OTULINL: variants seen among roughly 807,000 people sequenced by gnomAD.
OTULINL encodes the protein inactive ubiquitin thioesterase OTULINL.
In OTULINL, 42 loss-of-function variants were observed where a neutral mutation model predicts 43.9. That is an observed-to-expected ratio of 0.96 (90% confidence interval 0.75 to 1.24). OTULINL has a LOEUF of 1.24. Among genes scored for constraint, OTULINL ranks in the 50% most tolerant of loss-of-function variants. The probability of loss-of-function intolerance (pLI) is 0.00; values close to 1 mark genes in which losing one functional copy is unlikely to be tolerated. For synonymous variants in OTULINL, 172 were observed against 153.6 expected, an observed-to-expected ratio of 1.12 and a Z score of -0.88; for missense variants, 411 against 426.4, an observed-to-expected ratio of 0.96 and a Z score of 0.32.
intron 1 of OTULINL, among the ~76,000 whole-genome samples, chr5:14,584,364 A>G (rs552506740): frequency 8.0e-4 from 122 of 152,310 alleles, no homozygotes; most frequent in African/African-American, 2.9e-3. Context: ...TGTTGGGGGA[A>G]TAGGAATGCC....
At chr5:14,586,008 T>C (rs1462952550) in intron 1 of OTULINL, among the ~76,000 whole-genome samples, 1 of 152,248 alleles carries the variant, frequency 6.6e-6, no homozygotes, top group African/African-American at 2.4e-5. Context: ...TATGAAAAAG[T>C]TTTTATTACT....
intron 1 of OTULINL, among the ~76,000 whole-genome samples, chr5:14,588,103 T>C (rs1759139547): frequency 6.6e-6 from 1 of 152,206 alleles, no homozygotes; most frequent in Non-Finnish European, 1.5e-5. Context: ...ATCTTATGTA[T>C]CTTCCATACA....
intron 1 of OTULINL, among the ~76,000 whole-genome samples, chr5:14,594,332 T>C (rs1759252610): frequency 6.6e-6 from 1 of 152,266 alleles, no homozygotes. Flanking sequence ...TTTATTTGTT[T>C]AGACTAATGT....
intron 1 of OTULINL, among the ~76,000 whole-genome samples, chr5:14,584,762 T>C (rs1759076438): frequency 6.6e-6 from 1 of 152,200 alleles, no homozygotes; most frequent in Non-Finnish European, 1.5e-5. Flanking sequence ...TGTAGATGTG[T>C]CTGCTAAATG....
chr5:14,584,315 C>G (rs1388865093), intron 1 of OTULINL, among the ~76,000 whole-genome samples: 1 of 152,168 alleles, frequency 6.6e-6, no homozygotes, highest in East Asian at 1.9e-4. Context: ...GCCATGATTT[C>G]AGGAACCACA....
In OTULINL at chr5:14,613,512, G is replaced by A. The variant is rs142984495; in HGVS notation, c.*3198G>A. On this transcript the variant is annotated 3_prime_UTR_variant, in exon 8 of 8. Transcript: ENST00000274217. ...GAGGGAGTCAGGAGGAGAGAGTTAG[G>A]TTAGTTAGTACAACCTAAGAGGGAG... Among the ~76,000 whole-genome samples the A allele has an allele frequency of 5.8e-4, 88 of 152,266 alleles. No homozygotes were observed. The highest frequency in any genetic ancestry group is 1.1e-3 in the Non-Finnish European group (73 of 68,026).
intron 1 of OTULINL, among the ~76,000 whole-genome samples, chr5:14,587,426 G>A (rs1466852341): frequency 2.0e-5 from 3 of 152,218 alleles, no homozygotes; most frequent in Non-Finnish European, 4.4e-5. Context: ...AAGGGCTGGT[G>A]GCACTCATGT....
Position 14,612,247 on chromosome 5 carries a change from C to A in OTULINL, c.*1933C>A, listed in dbSNP as rs1560970403. On this transcript the variant is annotated 3_prime_UTR_variant, in exon 8 of 8. Coordinates refer to ENST00000274217, the MANE Select transcript of OTULINL (RefSeq NM_019018.3). ...GGCTGATACTTATAGAATTGTTGCT[C>A]CAAAATTTTGGCTCCACTTGAGCTG... is the stretch of plus-strand genomic sequence containing the variant. The A allele has an allele frequency of 1.3e-5, 2 of 152,188 alleles. No homozygotes were observed. The highest frequency in any genetic ancestry group is 2.4e-5 in the African/African-American group (1 of 41,444). 9.4% of individuals were successfully genotyped at this position (152,188 alleles called of 1,614,324 possible). A position where few individuals can be genotyped will look rare whatever the true frequency, so the allele number is the denominator to read the frequency against.
At chr5:14,588,644 C>T (rs1318185705) in intron 1 of OTULINL, among the ~76,000 whole-genome samples, 2 of 152,162 alleles carry the variant, frequency 1.3e-5, no homozygotes, top group Non-Finnish European at 2.9e-5. Context: ...AGGTAGCTCC[C>T]CAGGGCTGGG....
chr5:14,583,838 C>T (rs963211986), intron 1 of OTULINL, among the ~76,000 whole-genome samples: 15 of 152,114 alleles, frequency 9.9e-5, no homozygotes, highest in African/African-American at 3.6e-4. Flanking sequence ...TTCGAAATAA[C>T]AGCAAGTAAC....
At position 14,615,458 on chromosome 5, in the gene OTULINL, C is replaced by G. The variant is rs546048440; in HGVS notation, c.*5144C>G. 6.6e-6 allele frequency among the ~76,000 whole-genome samples: 1 copy of G among 152,182 alleles called. No homozygotes were observed. Among genetic ancestry groups the G allele is most frequent in the East Asian group, 1.9e-4 (1 of 5,178 alleles). ...AGAAGCAGCTGGTACAGACTGATGA[C>G]GAAGGAGAGGACCAGAAAAGCTGCT... On this transcript the variant is annotated 3_prime_UTR_variant, in exon 8 of 8. Transcript: ENST00000274217.
chr5:14,609,486 C>T (rs1759538969), intron 7 of OTULINL, among the ~76,000 whole-genome samples: 2 of 152,164 alleles, frequency 1.3e-5, no homozygotes, highest in Admixed American at 1.3e-4. Context: ...AATTATCTGA[C>T]ATTTTTAAAC....
chr5:14,593,202 C>G (rs775664492), intron 1 of OTULINL, among the ~76,000 whole-genome samples: 5 of 152,024 alleles, frequency 3.3e-5, no homozygotes, highest in Non-Finnish European at 5.9e-5. Flanking sequence ...GAGAAACATT[C>G]CAAAAAAGGG....
In OTULINL at chr5:14,610,423, C is replaced by T. The variant is rs1272177844; in HGVS notation, c.*109C>T. On this transcript the variant is annotated 3_prime_UTR_variant, in exon 8 of 8. Coordinates refer to ENST00000274217, the MANE Select transcript of OTULINL (RefSeq NM_019018.3). ...ATTTCAGCATGGAAGGAATTAGGACCTTTTCTTCAGGATTACAGGTACACT... is the reference window on the plus strand; with the variant it reads ...ATTTCAGCATGGAAGGAATTAGGACTTTTTCTTCAGGATTACAGGTACACT... 8.5e-7 allele frequency: 1 copy of T among 1,175,198 alleles called. No homozygotes were observed. Among genetic ancestry groups the T allele is most frequent in the Non-Finnish European group, 1.2e-6 (1 of 833,792 alleles). The allele number at this position is 1,175,198 out of a possible 1,614,324, so 72.8% of individuals were successfully genotyped here.
chr5:14,587,678 A>G (rs1048772845), intron 1 of OTULINL, among the ~76,000 whole-genome samples: 5 of 152,184 alleles, frequency 3.3e-5, no homozygotes, highest in Non-Finnish European at 7.3e-5. Context: ...AGCTTATTAG[A>G]TCAGTTTTAT....
intron 5 of OTULINL, among the ~76,000 whole-genome samples, chr5:14,603,572 G>T (rs116035984): frequency 0.012 from 1,836 of 152,266 alleles, 34 homozygotes; most frequent in African/African-American, 0.041. Context: ...ATTCCCCAAT[G>T]AGTAATGATG....
intron 1 of OTULINL, among the ~76,000 whole-genome samples, chr5:14,590,184 A>G (rs1198335678): frequency 1.3e-5 from 2 of 152,154 alleles, no homozygotes; most frequent in Non-Finnish European, 2.9e-5. Flanking sequence ...TTGGCATCTG[A>G]TGATGTATTT....
chr5:14,587,651 C>T (rs1344802806), intron 1 of OTULINL, among the ~76,000 whole-genome samples: 1 of 152,166 alleles, frequency 6.6e-6, no homozygotes, highest in African/African-American at 2.4e-5. Flanking sequence ...AAAGAAAAAT[C>T]CCTTGAATCA....
chr5:14,608,721 G>T, intron 6 of OTULINL, 27 bp from the exon 7 acceptor site: 1 of 1,565,336 alleles, frequency 6.4e-7, no homozygotes, highest in South Asian at 1.2e-5. Flanking sequence ...TTATCCTTCT[G>T]AATTTCACTT....
Sources: gnomAD v4.1 joint callset for allele counts (sites outside exome capture counted in the v4.1 genomes callset) on GRCh38, gnomAD v4.1.1 for gene constraint, MANE v1.5 for transcripts, NCBI Gene and HGNC (gene_info 2026-07-23, HGNC 2026-07-21) for gene names.